Variants in ARHGEF37 observed in about 807,000 individuals in gnomAD.
ARHGEF37 encodes Rho guanine nucleotide exchange factor 37.
In ARHGEF37, 55 loss-of-function variants were observed where a neutral mutation model predicts 71.1. The ratio of observed to expected loss-of-function variants is 0.77; its 90% CI spans 0.62 to 0.97. The LOEUF (loss-of-function observed/expected upper bound fraction) is 0.97. Among genes scored for constraint, ARHGEF37 ranks in the 50% least tolerant of loss-of-function variants. The pLI, the probability that ARHGEF37 is intolerant of heterozygous loss-of-function variation, is 0.00. For missense variants in ARHGEF37, 765 were observed against 836.8 expected, an observed-to-expected ratio of 0.91 and a Z score of 1.06; for synonymous variants, 327 against 350.6, an observed-to-expected ratio of 0.93 and a Z score of 0.75.
At chr5:149,631,514 C>G (rs779333805) in intron 12 of ARHGEF37, among the ~76,000 whole-genome samples, 1 of 152,162 alleles carries the variant, frequency 6.6e-6, no homozygotes, top group Non-Finnish European at 1.5e-5. Context: ...TTGCCCAAAT[C>G]CTTGTCTCTA....
chr5:149,591,908 C>T lies in ARHGEF37; in HGVS notation c.-11-5851C>T, dbSNP rs888657557. On this transcript the variant is annotated intron_variant, in intron 1 of 12. Transcript: ENST00000333677. ...CACTAGGTGTCAGGTATATTTCATACATTTTTTACTTATACATTTTTCAAC... is the reference window on the plus strand; with the variant it reads ...CACTAGGTGTCAGGTATATTTCATATATTTTTTACTTATACATTTTTCAAC... Among the ~76,000 whole-genome samples the T allele has an allele frequency of 1.4e-4, 22 of 152,306 alleles. 1 individual carries two copies. The highest frequency in any genetic ancestry group is 5.3e-4 in the African/African-American group (22 of 41,572).
At chr5:149,626,480 G>C (rs535977985) in intron 10 of ARHGEF37, among the ~76,000 whole-genome samples, 14 of 152,246 alleles carry the variant, frequency 9.2e-5, no homozygotes, top group African/African-American at 3.4e-4. Flanking sequence ...ATTCTTTCCA[G>C]CTAGATGGCA....
chr5:149,570,249 G>T (rs1185027043), intron 1 of ARHGEF37, among the ~76,000 whole-genome samples: 36 of 152,040 alleles, frequency 2.4e-4, no homozygotes, highest in Non-Finnish European at 1.5e-5. Context: ...CTCTATACTA[G>T]CAACAAACAA....
At chr5:149,586,986 T>C (rs1763259524) in intron 1 of ARHGEF37, among the ~76,000 whole-genome samples, 1 of 152,206 alleles carries the variant, frequency 6.6e-6, no homozygotes, top group African/African-American at 2.4e-5. Context: ...TAAATTAGCC[T>C]ATGCTGACTC....
intron 1 of ARHGEF37, among the ~76,000 whole-genome samples, chr5:149,568,714 G>C (rs1472853337): frequency 6.6e-6 from 1 of 151,576 alleles, no homozygotes; most frequent in African/African-American, 2.4e-5. Flanking sequence ...GGGAGGCTGA[G>C]GCAGGGAGAA....
chr5:149,557,377 A>G (rs1212619885), intron 1 of ARHGEF37, among the ~76,000 whole-genome samples: 1 of 152,266 alleles, frequency 6.6e-6, no homozygotes, highest in South Asian at 2.1e-4. Flanking sequence ...CACAAGGAAC[A>G]TAGATAAACT....
In ARHGEF37 at chr5:149,628,043, A is replaced by C. The variant is rs148979590; in HGVS notation, c.1661-766A>C. On this transcript the variant is annotated intron_variant, in intron 11 of 12. Coordinates refer to ENST00000333677, the MANE Select transcript of ARHGEF37 (RefSeq NM_001001669.3). ...TTTTAAAAAGTGAGTCAATTAAAAA[A>C]TTAAGAAAGCGGTACAAATCAGACA... 2.1e-3 allele frequency among the ~76,000 whole-genome samples: 324 copies of C among 152,364 alleles called. 1 individual carries two copies. Among genetic ancestry groups the C allele is most frequent in the African/African-American group, 7.5e-3 (310 of 41,582 alleles).
chr5:149,627,407 C>A, intron 11 of ARHGEF37, 136 bp downstream of exon 11: 2 of 943,898 alleles, frequency 2.1e-6, no homozygotes, highest in Non-Finnish European at 3.1e-6. Flanking sequence ...AGGTGACACA[C>A]ACAGGGCTCA....
intron 1 of ARHGEF37, among the ~76,000 whole-genome samples, chr5:149,565,374 GTATT>G (rs1190173463): frequency 9.2e-5 from 14 of 152,280 alleles, no homozygotes; most frequent in African/African-American, 1.2e-4. Flanking sequence ...TGGGTAATAA[GTATT>G]TAGTAAATAT....
intron 1 of ARHGEF37, among the ~76,000 whole-genome samples, chr5:149,592,730 A>C (rs1309633845): frequency 6.6e-6 from 1 of 152,050 alleles, no homozygotes; most frequent in Non-Finnish European, 1.5e-5. Flanking sequence ...GAGTGGCTGT[A>C]CCATTTTACG....
chr5:149,598,031 A>G (rs1763600910), intron 2 of ARHGEF37, 76 bp downstream of exon 2: 1 of 1,472,882 alleles, frequency 6.8e-7, no homozygotes, highest in Non-Finnish European at 9.0e-7. Flanking sequence ...TTTCTCATCC[A>G]TTCCTGGGGC....
At chr5:149,570,296 G>A (rs1046873985) in intron 1 of ARHGEF37, among the ~76,000 whole-genome samples, 6 of 151,916 alleles carry the variant, frequency 3.9e-5, no homozygotes, top group Non-Finnish European at 5.9e-5. Flanking sequence ...TTATATTACC[G>A]GGTGCAGTGG....
At chr5:149,601,830 G>T (rs1282928220) in intron 3 of ARHGEF37, among the ~76,000 whole-genome samples, 1 of 152,138 alleles carries the variant, frequency 6.6e-6, no homozygotes, top group African/African-American at 2.4e-5. Context: ...CTGAGGCAAG[G>T]ATGAGTCCAG....
chr5:149,587,382 C>CA (rs1278871232), intron 1 of ARHGEF37, among the ~76,000 whole-genome samples: 1 of 152,022 alleles, frequency 6.6e-6, no homozygotes, highest in Admixed American at 6.5e-5. Context: ...ATAATAGAAG[C>CA]AAAAAACCAC....
chr5:149,558,120 A>C (rs1333735849), intron 1 of ARHGEF37, among the ~76,000 whole-genome samples: 2 of 151,940 alleles, frequency 1.3e-5, no homozygotes, highest in African/African-American at 2.4e-5. Context: ...GATCCACCTG[A>C]CTTGGCCTCC....
Position 149,620,372 on chromosome 5 carries a change from C to T in ARHGEF37, c.913C>T (p.Pro305Ser), listed in dbSNP as rs764890882. 3 of 1,611,386 alleles carry T rather than the reference C, an allele frequency of 1.9e-6. No homozygotes were observed. The highest frequency in any genetic ancestry group is 2.7e-5 in the African/African-American group (2 of 74,834). The part of the protein sequence containing the change: ...DNLQAFLYFR[P>S]HEYNLDIPEG... ...GGTCCAGGCTTTCCTCTACTTCAGG[C>T]CGCACGAATACAATCTGGACATCCC... Residue 305 changes from proline to serine, a missense_variant, in exon 8 of 13, where the codon CCG (proline) becomes TCG (serine). By Grantham distance (74) the Pro-to-Ser change is moderately conservative. This residue lies in a region of ARHGEF37 where 167 missense variants were observed against 173.3 expected (regional missense o/e 0.96). Transcript: ENST00000333677.
chr5:149,597,980 C>A (rs1561794307), intron 2 of ARHGEF37, 25 bp downstream of exon 2: 1 of 1,544,546 alleles, frequency 6.5e-7, no homozygotes, highest in East Asian at 2.5e-5. Flanking sequence ...TCACACACAA[C>A]CTGTCTTTAT....
chr5:149,569,402 C>T (rs1034910321), intron 1 of ARHGEF37, among the ~76,000 whole-genome samples: 3 of 152,162 alleles, frequency 2.0e-5, no homozygotes, highest in Admixed American at 1.3e-4. Flanking sequence ...TCACTGCAAC[C>T]TCTGCCTCCC....
At chr5:149,597,490 A>T (rs934928310) in intron 1 of ARHGEF37, among the ~76,000 whole-genome samples, 8 of 152,020 alleles carry the variant, frequency 5.3e-5, no homozygotes, top group African/African-American at 1.7e-4. Flanking sequence ...AACTCCTGAC[A>T]TCAGGTGATC....
Sources: gnomAD v4.1 joint callset for allele counts (sites outside exome capture counted in the v4.1 genomes callset) on GRCh38, gnomAD v4.1.1 for gene constraint, gnomAD v4.1.1 regional missense constraint, MANE v1.5 for transcripts, NCBI Gene and HGNC (gene_info 2026-07-23, HGNC 2026-07-21) for gene names.